Variants in DHRSX observed in about 807,000 individuals in gnomAD.
DHRSX encodes polyprenol dehydrogenase.
A neutral mutation model predicts 34.0 loss-of-function variants in DHRSX; 31 were observed. That is an observed-to-expected ratio of 0.91 (90% CI 0.69 to 1.23). DHRSX has a LOEUF of 1.23. DHRSX is among the 50% of genes most tolerant of loss of function. The pLI, the probability that DHRSX is intolerant of heterozygous loss-of-function variation, is 0.00. For missense variants in DHRSX, 414 were observed against 428.1 expected, an observed-to-expected ratio of 0.97 and a Z score of 0.29; for synonymous variants, 201 against 183.8, an observed-to-expected ratio of 1.09 and a Z score of -0.76.
chrX:2,433,850 A>C (rs28432383), intron 1 of DHRSX, among the ~76,000 whole-genome samples: 4 of 151,978 alleles, frequency 2.6e-5, no homozygotes, highest in South Asian at 2.1e-4. Context: ...TATCAGCTCA[A>C]TGCAAGCTCC....
chrX:2,239,478 C>T (rs1280148227), intron 6 of DHRSX, among the ~76,000 whole-genome samples: 10 of 151,558 alleles, frequency 6.6e-5, no homozygotes, highest in African/African-American at 9.7e-5. Flanking sequence ...TAAAAGAGGC[C>T]GGGCGTGGTG....
chrX:2,298,752 G>A (rs1284249490), intron 3 of DHRSX, among the ~76,000 whole-genome samples: 4 of 151,982 alleles, frequency 2.6e-5, no homozygotes, highest in South Asian at 2.1e-4. Context: ...TTGGGAGGCC[G>A]AGGCGGGCGG....
Position 2,467,111 on chromosome X carries a change from G to A in DHRSX, c.109+33706C>T, listed in dbSNP as rs571130160. ...TACATGACTACATGTAACAGCTACT[G>A]GGAACATTTTATTGAAATTTTTTAA... On this transcript the variant is annotated intron_variant, in intron 1 of 6. Coordinates refer to ENST00000334651, the MANE Select transcript of DHRSX (RefSeq NM_145177.3). 9.9e-4 allele frequency among the ~76,000 whole-genome samples: 150 copies of A among 151,334 alleles called. 1 individual carries two copies. The highest frequency in any genetic ancestry group is 8.6e-3 in the South Asian group (41 of 4,768).
intron 1 of DHRSX, chrX:2,487,116 T>C (rs1416338467): frequency 6.6e-6 from 1 of 152,370 alleles, no homozygotes; most frequent in Admixed American, 6.5e-5. Flanking sequence ...GTTCTACATG[T>C]TGGAAAACGT....
chrX:2,432,118 C>T (rs181684986), intron 1 of DHRSX, among the ~76,000 whole-genome samples: 79 of 152,076 alleles, frequency 5.2e-4, no homozygotes, highest in African/African-American at 1.9e-3. Flanking sequence ...CGCTTGAACC[C>T]GGGAGGTGGA....
At chrX:2,383,851 G>T (rs749843536) in intron 3 of DHRSX, among the ~76,000 whole-genome samples, 2 of 152,326 alleles carry the variant, frequency 1.3e-5, no homozygotes, top group African/African-American at 4.8e-5. Flanking sequence ...GGACTTGGAT[G>T]GTCAGGAGGC....
intron 5 of DHRSX, among the ~76,000 whole-genome samples, chrX:2,250,125 G>A (rs1602798529): frequency 7.1e-6 from 1 of 141,554 alleles, no homozygotes. Flanking sequence ...TCACGCCACT[G>A]CACTCCAGCC....
intron 3 of DHRSX, among the ~76,000 whole-genome samples, chrX:2,320,570 G>A (rs62583689): frequency 0.8 from 60,095 of 74,974 alleles, 22,769 homozygotes; most frequent in African/African-American, 0.86. Flanking sequence ...TGCTGGGATT[G>A]CAGGCATGAG....
At chrX:2,500,281 T>A (rs756868919) in intron 1 of DHRSX, 16 of 177,092 alleles carry the variant, frequency 9.0e-5, no homozygotes, top group African/African-American at 3.8e-4. Context: ...TCTGGAGACG[T>A]CCTCCGGAGA....
At chrX:2,295,464 T>C (rs976265939) in intron 3 of DHRSX, among the ~76,000 whole-genome samples, 3 of 152,098 alleles carry the variant, frequency 2.0e-5, no homozygotes, top group South Asian at 2.1e-4. Flanking sequence ...TTAGGACAAA[T>C]ACCTAATGTA....
At chrX:2,248,351 T>C (rs1051293363) in intron 5 of DHRSX, among the ~76,000 whole-genome samples, 4 of 150,048 alleles carry the variant, frequency 2.7e-5, no homozygotes, top group African/African-American at 7.3e-5. Context: ...GAGAATGGTG[T>C]GAACCCAGGA....
intron 3 of DHRSX, among the ~76,000 whole-genome samples, chrX:2,306,683 T>C (rs1179323395): frequency 1.3e-5 from 2 of 152,110 alleles, no homozygotes; most frequent in African/African-American, 4.8e-5. Context: ...CACTGCTGGA[T>C]TCTGTTTGCT....
chrX:2,485,766 AGGAAGGAAGGGAGAAAAGGGAGAGAAGG>A (rs2044891155), intron 1 of DHRSX, among the ~76,000 whole-genome samples: 1 of 46,450 alleles, frequency 2.2e-5, no homozygotes, highest in African/African-American at 1.0e-4. Flanking sequence ...AAGGGAGAGA[AGGAAGGAAGGGAGAAAAGGGAGAGAAGG>A]GAGAGAAGGA....
At chrX:2,428,287 T>A (rs28437844) in intron 1 of DHRSX, among the ~76,000 whole-genome samples, 3,893 of 152,050 alleles carry the variant, frequency 0.026, 170 homozygotes, top group African/African-American at 0.089. Flanking sequence ...TAGAAATAGG[T>A]TTATAAATCA....
chrX:2,233,634 G>C (rs905221335), intron 6 of DHRSX, among the ~76,000 whole-genome samples: 3 of 152,110 alleles, frequency 2.0e-5, no homozygotes, highest in African/African-American at 4.8e-5. Context: ...TCAGTCCAAT[G>C]AATGTTTATT....
intron 2 of DHRSX, among the ~76,000 whole-genome samples, chrX:2,422,910 G>A (rs1393556469): frequency 3.3e-5 from 5 of 152,012 alleles, no homozygotes; most frequent in South Asian, 2.1e-4. Flanking sequence ...TCAGCCTCCC[G>A]AGTAGCTGGG....
At chrX:2,308,421 C>G (rs36062362) in intron 3 of DHRSX, among the ~76,000 whole-genome samples, 66,223 of 151,822 alleles carry the variant, frequency 0.44, 14,822 homozygotes, top group Middle Eastern at 0.54. Flanking sequence ...AATTGTTCAA[C>G]AATTGTTAAA....
At position 2,485,379 on chromosome X, in the gene DHRSX, C is replaced by G. The variant is rs1201762736; in HGVS notation, c.109+15438G>C. On this transcript the variant is annotated intron_variant, in intron 1 of 6. Coordinates refer to ENST00000334651, the MANE Select transcript of DHRSX (RefSeq NM_145177.3). ...CATTTTAATGATGCCCAAGGACAGG[C>G]AGTCAACCAACAGCACTTGGAAAGG... Among the ~76,000 whole-genome samples the G allele has an allele frequency of 3.3e-5, 5 of 151,610 alleles. No homozygotes were observed. The East Asian group carries it at 9.8e-4, about 30-fold the overall frequency.
intron 3 of DHRSX, among the ~76,000 whole-genome samples, chrX:2,366,677 A>C (rs1309027241): frequency 6.6e-6 from 1 of 152,032 alleles, no homozygotes; most frequent in Non-Finnish European, 1.5e-5. Flanking sequence ...AGCTCACTGC[A>C]GCCTCCACCT....
Sources: allele counts gnomAD v4.1 joint callset (sites outside exome capture counted in the v4.1 genomes callset), GRCh38; gene constraint gnomAD v4.1.1; transcripts MANE v1.5; gene names NCBI Gene and HGNC (gene_info 2026-07-23, HGNC 2026-07-21).